AVL9: variants seen among roughly 807,000 people sequenced by gnomAD.
AVL9 encodes the protein late secretory pathway protein AVL9 homolog.
AVL9 carries 49 observed loss-of-function variants against 79.2 expected under a neutral mutation model. That is an observed-to-expected ratio of 0.62 (90% CI 0.49 to 0.79). AVL9 has a LOEUF of 0.79. Ranked by LOEUF, AVL9 falls within the 30% of genes least tolerant of loss-of-function variation. The pLI, the probability that AVL9 is intolerant of heterozygous loss-of-function variation, is 0.00. For missense variants in AVL9, 682 were observed against 776.8 expected (o/e 0.88, Z 1.45); for synonymous variants, 299 against 280.6 (o/e 1.07, Z -0.65).
intron 1 of AVL9, among the ~76,000 whole-genome samples, chr7:32,510,419 C>T (rs895577571): frequency 1.7e-4 from 26 of 149,658 alleles, no homozygotes; most frequent in African/African-American, 5.9e-4. Context: ...CTGTGGGAGT[C>T]CACAGTCCTG....
chr7:32,531,430 T>TATACATGTTCATTAACATGTATATTCAC (rs1788648943), intron 1 of AVL9, among the ~76,000 whole-genome samples: 1 of 806 alleles, frequency 1.2e-3, no homozygotes, highest in African/African-American at 4.7e-3. Flanking sequence ...TGTATATTCA[T>TATACATGTTCATTAACATGTATATTCAC]ATAACGTTCC....
At chr7:32,551,288 A>T in intron 4 of AVL9, 46 bp from the exon 5 acceptor site, 1 of 1,272,812 alleles carries the variant, frequency 7.9e-7, no homozygotes. Context: ...TTTTACTGTT[A>T]TCAACTAATT....
intron 1 of AVL9, among the ~76,000 whole-genome samples, chr7:32,513,606 A>C (rs1345826764): frequency 6.6e-6 from 1 of 152,236 alleles, no homozygotes; most frequent in Admixed American, 6.5e-5. Context: ...TGGTGGATGT[A>C]TTGAAGGGGG....
In AVL9 at chr7:32,495,703, G is replaced by A; in HGVS notation, c.-7G>A. 6 of 1,255,940 alleles carry A rather than the reference G, an allele frequency of 4.8e-6. No individual in the cohort carries two copies. The highest frequency in any genetic ancestry group is 3.5e-5 in the South Asian group (1 of 28,446). 77.8% of individuals were successfully genotyped at this position (1,255,940 alleles called of 1,614,324 possible). A position where few individuals can be genotyped will look rare whatever the true frequency, so the allele number is the denominator to read the frequency against. On this transcript the variant is annotated 5_prime_UTR_variant, in exon 1 of 16. Transcript: ENST00000318709. ...GAAGTCGTCGTGCGGGCCCGCGGCGGCCGCCCATGGAGAAGGCCAGGAGAG... is the reference window on the plus strand; with the variant it reads ...GAAGTCGTCGTGCGGGCCCGCGGCGACCGCCCATGGAGAAGGCCAGGAGAG...
chr7:32,580,284 G>A lies in AVL9; in HGVS notation c.1742+12G>A. The A allele has an allele frequency of 6.3e-7, 1 of 1,599,816 alleles. No homozygotes were observed. The highest frequency in any genetic ancestry group is 1.1e-5 in the South Asian group (1 of 89,248). Reference sequence around the variant, plus strand: ...TTAAGGTTCTCACAGTAAGTACTTAGAGAAAATACTGGGAAAATTCTTAAG... The same window carrying A: ...TTAAGGTTCTCACAGTAAGTACTTAAAGAAAATACTGGGAAAATTCTTAAG... On this transcript the variant is annotated intron_variant, in intron 14 of 15. Coordinates refer to ENST00000318709, the MANE Select transcript of AVL9 (RefSeq NM_015060.3).
chr7:32,495,834 G>C (rs1194338578), intron 1 of AVL9, 32 bp downstream of exon 1: 10 of 1,243,274 alleles, frequency 8.0e-6, no homozygotes, highest in African/African-American at 1.6e-5. Context: ...GCCCCCAGCC[G>C]TTCGGGCGTT....
intron 1 of AVL9, 52 bp downstream of exon 1, chr7:32,495,854 C>A (rs1583469348): frequency 8.5e-7 from 1 of 1,178,766 alleles, no homozygotes; most frequent in African/African-American, 1.6e-5. Context: ...TCGCCCCTTC[C>A]GGGGCCCCCC....
At chr7:32,508,816 A>G (rs1469104047) in intron 1 of AVL9, among the ~76,000 whole-genome samples, 2 of 152,158 alleles carry the variant, frequency 1.3e-5, no homozygotes, top group Non-Finnish European at 2.9e-5. Context: ...GTATTCTGTG[A>G]CATTTGTCTA....
intron 11 of AVL9, among the ~76,000 whole-genome samples, chr7:32,572,384 T>A (rs1469564016): frequency 2.8e-5 from 4 of 140,680 alleles, no homozygotes; most frequent in Non-Finnish European, 4.8e-5. Flanking sequence ...TCATCATTAT[T>A]GGTTACATTC....
intron 1 of AVL9, among the ~76,000 whole-genome samples, chr7:32,506,975 T>C (rs1268137941): frequency 6.6e-6 from 1 of 151,990 alleles, no homozygotes; most frequent in East Asian, 1.9e-4. Flanking sequence ...ACTAGATAGT[T>C]GCAAAAAAAA....
chr7:32,571,959 C>T (rs1395168965), intron 11 of AVL9, among the ~76,000 whole-genome samples: 1 of 152,014 alleles, frequency 6.6e-6, no homozygotes, highest in Non-Finnish European at 1.5e-5. Flanking sequence ...GTCAAGACAT[C>T]GAGACCATCC....
intron 1 of AVL9, among the ~76,000 whole-genome samples, chr7:32,509,460 C>T (rs557233005): frequency 3.3e-5 from 5 of 152,294 alleles, no homozygotes; most frequent in African/African-American, 1.2e-4. Context: ...AACAGATTAA[C>T]GCTTTTTACT....
At chr7:32,567,341 G>C (rs1790628795) in intron 10 of AVL9, among the ~76,000 whole-genome samples, 1 of 152,072 alleles carries the variant, frequency 6.6e-6, no homozygotes, top group African/African-American at 2.4e-5. Context: ...AGCTCAAGCA[G>C]TCTGCCCGCC....
At chr7:32,575,918 A>G (rs746226789) in intron 12 of AVL9, 37 bp from the exon 13 acceptor site, 3 of 1,434,622 alleles carry the variant, frequency 2.1e-6, no homozygotes, top group Admixed American at 1.7e-5. Flanking sequence ...GAATGGCTAC[A>G]GCCCAGCTCA....
At chr7:32,526,418 C>A (rs1993057) in intron 1 of AVL9, among the ~76,000 whole-genome samples, 147,660 of 152,246 alleles carry the variant, frequency 0.97, 71,752 homozygotes, top group East Asian at 1. Context: ...AAACCGGGTT[C>A]TTAGAAAACA....
At chr7:32,530,676 G>A (rs1326958040) in intron 1 of AVL9, among the ~76,000 whole-genome samples, 3 of 152,146 alleles carry the variant, frequency 2.0e-5, no homozygotes, top group Admixed American at 1.3e-4. Context: ...GGCCAGGCAC[G>A]GTGGCTCACA....
At chr7:32,581,245 A>G (rs1270732467) in intron 15 of AVL9, 2 of 167,930 alleles carry the variant, frequency 1.2e-5, no homozygotes, top group South Asian at 1.8e-4. Flanking sequence ...CCTCTAAGGT[A>G]GTATTACACA....
chr7:32,497,947 A>G (rs562501032), intron 1 of AVL9, among the ~76,000 whole-genome samples: 1 of 152,176 alleles, frequency 6.6e-6, no homozygotes, highest in East Asian at 1.9e-4. Context: ...CACCACGCCC[A>G]GTCATGACCA....
chr7:32,545,761 C>G (rs1461849110), intron 3 of AVL9, among the ~76,000 whole-genome samples: 2 of 152,108 alleles, frequency 1.3e-5, no homozygotes, highest in Admixed American at 6.5e-5. Context: ...TCATGGTTTG[C>G]TTATGTGTAG....
Sources: gnomAD v4.1 joint callset for allele counts (sites outside exome capture counted in the v4.1 genomes callset) on GRCh38, gnomAD v4.1.1 for gene constraint, MANE v1.5 for transcripts, NCBI Gene and HGNC (gene_info 2026-07-23, HGNC 2026-07-21) for gene names.